Variants in SUV39H1 observed in about 807,000 individuals in gnomAD.
SUV39H1 encodes histone-lysine N-methyltransferase SUV39H1.
For missense variants in SUV39H1, 180 were observed against 386.3 expected (o/e 0.47, Z 4.48); for synonymous variants, 141 against 150.5 (o/e 0.94, Z 0.46).
chrX:48,704,743 C>T lies in SUV39H1; in HGVS notation c.829-1522C>T, dbSNP rs1199798958. On this transcript the variant is annotated intron_variant, in intron 3 of 5. Coordinates refer to ENST00000376687, the MANE Select transcript of SUV39H1 (RefSeq NM_003173.4). Reference sequence around the variant, plus strand: ...ACTGTTTCCTGATCACAGTCTTACACTGTGGGTGTGTGAATCTGTCTCTCT... The same window carrying T: ...ACTGTTTCCTGATCACAGTCTTACATTGTGGGTGTGTGAATCTGTCTCTCT... Among the ~76,000 whole-genome samples the T allele has an allele frequency of 3.6e-5, 4 of 111,969 alleles. No individual in the cohort carries two copies. In the East Asian group the frequency reaches 1.1e-3, roughly 31 times the overall value.
intron 3 of SUV39H1, among the ~76,000 whole-genome samples, chrX:48,704,798 G>A (rs2062485660): frequency 9.0e-6 from 1 of 111,516 alleles, no homozygotes; most frequent in Non-Finnish European, 1.9e-5. Context: ...TTGAGGGCAG[G>A]GACCAATCCT....
At chrX:48,695,568 G>T, upstream of SUV39H1, 2 of 1,071,038 alleles carry the variant, frequency 1.9e-6, no homozygotes, top group Non-Finnish European at 2.4e-6. Flanking sequence ...AACTATCCAC[G>T]CTGCTCGAAT....
chrX:48,706,652 C>A, intron 5 of SUV39H1, 25 bp downstream of exon 5: 1 of 1,180,328 alleles, frequency 8.5e-7, no homozygotes, highest in South Asian at 1.9e-5. Context: ...GGACTGGGGG[C>A]AGGGGCGCAC....
At chrX:48,703,285 G>A (rs782425919) in intron 3 of SUV39H1, among the ~76,000 whole-genome samples, 1 of 111,995 alleles carries the variant, frequency 8.9e-6, no homozygotes, top group Non-Finnish European at 1.9e-5. Flanking sequence ...ATCCTACTTG[G>A]GGTAATAGTC....
upstream of SUV39H1, chrX:48,696,638 G>A (rs890540134): frequency 7.8e-6 from 6 of 768,413 alleles, no homozygotes; most frequent in African/African-American, 2.3e-5. Flanking sequence ...CGGCAGGGAG[G>A]GGTTCGGTCA....
chrX:48,696,814 G>C lies in SUV39H1; in HGVS notation c.19+11G>C. Reference sequence around the variant, plus strand: ...CGGAAAATTTAAAAGGTGAAGCAGTGGAGGCAGAGGCGCGGGCCCGCTGGC... The same window carrying C: ...CGGAAAATTTAAAAGGTGAAGCAGTCGAGGCAGAGGCGCGGGCCCGCTGGC... On this transcript the variant is annotated intron_variant, in intron 1 of 5. Coordinates refer to ENST00000376687, the MANE Select transcript of SUV39H1 (RefSeq NM_003173.4). 8.9e-7 allele frequency: 1 copy of C among 1,123,093 alleles called. No individual in the cohort carries two copies. Among genetic ancestry groups the C allele is most frequent in the Non-Finnish European group, 1.2e-6 (1 of 851,524 alleles). 92.6% of individuals were successfully genotyped at this position (1,123,093 alleles called of 1,213,427 possible). A position where few individuals can be genotyped will look rare whatever the true frequency, so the allele number is the denominator to read the frequency against.
chrX:48,696,667 G>A, upstream of SUV39H1: 1 of 1,008,598 alleles, frequency 9.9e-7, no homozygotes, highest in South Asian at 2.2e-5. Flanking sequence ...CGGTTGGTCC[G>A]CGCGGGTGCT....
At chrX:48,702,055 C>A (rs2062476796) in intron 3 of SUV39H1, among the ~76,000 whole-genome samples, 1 of 110,950 alleles carries the variant, frequency 9.0e-6, no homozygotes, top group Admixed American at 9.5e-5. Flanking sequence ...TTGGGTAGAA[C>A]AATCTACACC....
At position 48,698,067 on chromosome X, in the gene SUV39H1, T is replaced by G. The variant is rs142332859; in HGVS notation, c.20-835T>G. 7.0e-4 allele frequency among the ~76,000 whole-genome samples: 79 copies of G among 112,341 alleles called. No individual in the cohort carries two copies. The East Asian group carries it at 0.021, about 29-fold the overall frequency. On this transcript the variant is annotated intron_variant, in intron 1 of 5. Transcript: ENST00000376687. ...CCTTGTGGATTTAAGGCACCCAGAT[T>G]GATCATTTAAGGAGCCTTCCTGTAA...
chrX:48,708,018 A>G lies in SUV39H1; in HGVS notation c.*448A>G. On this transcript the variant is annotated 3_prime_UTR_variant, in exon 6 of 6. Transcript: ENST00000376687. ...AGAGCAGGCAGACATCAGAGGCCAG[A>G]GTGCCTAGCCCGACATGAAGCTGGT... 4.2e-6 allele frequency: 1 copy of G among 239,905 alleles called. No individual in the cohort carries two copies. Among genetic ancestry groups the G allele is most frequent in the Non-Finnish European group, 7.8e-6 (1 of 127,580 alleles). The allele number at this position is 239,905 out of a possible 1,213,427, so 19.8% of individuals were successfully genotyped here.
Position 48,708,118 on chromosome X carries a change from C to T in SUV39H1, c.*548C>T, listed in dbSNP as rs1251147743. 9.3e-6 allele frequency: 2 copies of T among 213,946 alleles called. No individual in the cohort carries two copies. The highest frequency in any genetic ancestry group is 1.7e-5 in the Non-Finnish European group (2 of 116,267). The allele number at this position is 213,946 out of a possible 1,213,427, so 17.6% of individuals were successfully genotyped here. On this transcript the variant is annotated 3_prime_UTR_variant, in exon 6 of 6. Transcript: ENST00000376687. ...CTACGGGCTGAGGCTGGTTTCTGCTCGTGCTTACAGTGCTGGGTAGTGTTG... is the reference window on the plus strand; with the variant it reads ...CTACGGGCTGAGGCTGGTTTCTGCTTGTGCTTACAGTGCTGGGTAGTGTTG...
intron 2 of SUV39H1, 143 bp from the exon 3 acceptor site, chrX:48,699,948 T>C: frequency 4.0e-6 from 2 of 497,377 alleles, no homozygotes; most frequent in East Asian, 3.7e-5. Context: ...CCCATGCTTT[T>C]TAATCACCGC....
intron 5 of SUV39H1, among the ~76,000 whole-genome samples, 177 bp downstream of exon 5, chrX:48,706,804 G>C (rs1557010215): frequency 2.8e-5 from 3 of 108,700 alleles, no homozygotes; most frequent in Non-Finnish European, 3.8e-5. Flanking sequence ...CCTACCCCTC[G>C]AGTCCCCTCA....
intron 1 of SUV39H1, among the ~76,000 whole-genome samples, chrX:48,698,568 G>C (rs782095718): frequency 9.0e-6 from 1 of 111,418 alleles, no homozygotes; most frequent in Non-Finnish European, 1.9e-5. Context: ...GTGGAGAGAG[G>C]GGTGATCAGG....
intron 5 of SUV39H1, 52 bp downstream of exon 5, chrX:48,706,679 A>G (rs2062492087): frequency 8.7e-7 from 1 of 1,149,909 alleles, no homozygotes; most frequent in African/African-American, 1.8e-5. Flanking sequence ...TTGGGACACA[A>G]GGACCCCTCC....
At chrX:48,696,428 G>C (rs1322035684), upstream of SUV39H1, among the ~76,000 whole-genome samples, 20 of 112,123 alleles carry the variant, frequency 1.8e-4, no homozygotes, top group African/African-American at 5.8e-4. Flanking sequence ...GACTGACGGT[G>C]ATAACAGGGA....
intron 3 of SUV39H1, among the ~76,000 whole-genome samples, chrX:48,702,449 G>C (rs1488558865): frequency 9.0e-6 from 1 of 111,449 alleles, no homozygotes; most frequent in Non-Finnish European, 1.9e-5. Context: ...CAGTATCGGG[G>C]GAAGTGTCCA....
intron 3 of SUV39H1, among the ~76,000 whole-genome samples, chrX:48,705,878 G>A (rs1307215006): frequency 8.9e-6 from 1 of 112,499 alleles, no homozygotes; most frequent in Non-Finnish European, 1.9e-5. Flanking sequence ...GGCACCCTGG[G>A]TCACTTTCTT....
At chrX:48,697,558 T>TGTAGGGAGAGGAAAGC (rs2062460776) in intron 1 of SUV39H1, among the ~76,000 whole-genome samples, 1 of 111,198 alleles carries the variant, frequency 9.0e-6, no homozygotes. Context: ...GAGGACAGGC[T>TGTAGGGAGAGGAAAGC]GTAGGGAGAG....
Sources: gnomAD v4.1 joint callset for allele counts (sites outside exome capture counted in the v4.1 genomes callset) on GRCh38, gnomAD v4.1.1 for gene constraint, MANE v1.5 for transcripts, NCBI Gene and HGNC (gene_info 2026-07-23, HGNC 2026-07-21) for gene names.